BANK1: variants seen among roughly 807,000 people sequenced by gnomAD.
BANK1 encodes B-cell scaffold protein with ankyrin repeats.
In BANK1, 95 loss-of-function variants were observed where a neutral mutation model predicts 94.5. The observed-to-expected ratio is 1.00, with a 90% CI of 0.85 to 1.19. The LOEUF is 1.19. Among genes scored for constraint, BANK1 ranks in the 50% most tolerant of loss-of-function variants. The pLI, the probability that BANK1 is intolerant of heterozygous loss-of-function variation, is 0.00. For synonymous variants in BANK1, 334 were observed against 308.4 expected, an observed-to-expected ratio of 1.08 and a Z score of -0.87; for missense variants, 987 against 932.2, an observed-to-expected ratio of 1.06 and a Z score of -0.77.
At chr4:102,062,987 T>C in intron 12 of BANK1, 88 bp from the exon 13 acceptor site, 1 of 959,300 alleles carries the variant, frequency 1.0e-6, no homozygotes, top group Non-Finnish European at 1.6e-6. Flanking sequence ...AGTAGCAGCA[T>C]TGGTATTGCT....
intron 11 of BANK1, among the ~76,000 whole-genome samples, chr4:102,051,198 A>G (rs1355193287): frequency 1.3e-5 from 2 of 152,214 alleles, no homozygotes; most frequent in African/African-American, 2.4e-5. Flanking sequence ...AGGTATTTTC[A>G]TCAGGCTGTT....
At chr4:101,814,878 T>A (rs1251432939) in intron 1 of BANK1, among the ~76,000 whole-genome samples, 1 of 152,224 alleles carries the variant, frequency 6.6e-6, no homozygotes, top group Non-Finnish European at 1.5e-5. Context: ...TGAATGGAAT[T>A]CAGTGTACTT....
intron 7 of BANK1, among the ~76,000 whole-genome samples, chr4:101,953,991 T>C (rs1578418374): frequency 6.6e-6 from 1 of 152,112 alleles, no homozygotes; most frequent in Admixed American, 6.6e-5. Flanking sequence ...GAAATCAAGG[T>C]GTGTCTGCAG....
chr4:101,862,469 C>T (rs1727914961), intron 3 of BANK1, 57 bp from the exon 4 acceptor site: 1 of 1,436,278 alleles, frequency 7.0e-7, no homozygotes, highest in Non-Finnish European at 9.5e-7. Flanking sequence ...GTAATGGGTT[C>T]TTTGGTTAAT....
intron 7 of BANK1, among the ~76,000 whole-genome samples, chr4:101,955,874 A>G (rs1038325282): frequency 3.3e-5 from 5 of 152,232 alleles, no homozygotes; most frequent in Non-Finnish European, 5.9e-5. Context: ...TTTACTCTGT[A>G]AAACGAGCAC....
intron 7 of BANK1, among the ~76,000 whole-genome samples, chr4:102,007,146 TTATATA>T (rs376933355): frequency 0.028 from 1,048 of 38,070 alleles, 79 homozygotes; most frequent in East Asian, 0.14. Flanking sequence ...AAAATATATT[TTATATA>T]TATATATATA....
intron 7 of BANK1, among the ~76,000 whole-genome samples, chr4:101,932,232 A>C (rs1319573638): frequency 2.0e-5 from 3 of 151,368 alleles, no homozygotes; most frequent in Non-Finnish European, 3.0e-5. Flanking sequence ...CACCAATCCC[A>C]CTCTAACCTT....
chr4:102,034,548 CT>C (rs1727434907), intron 10 of BANK1, among the ~76,000 whole-genome samples: 1 of 152,108 alleles, frequency 6.6e-6, no homozygotes, highest in Admixed American at 6.5e-5. Context: ...AGTTTAGTGT[CT>C]GTTTCTTGGA....
At chr4:102,045,290 CA>C (rs1727841761) in intron 11 of BANK1, among the ~76,000 whole-genome samples, 1 of 152,070 alleles carries the variant, frequency 6.6e-6, no homozygotes, top group Non-Finnish European at 1.5e-5. Flanking sequence ...GGACATATCT[CA>C]AAATAATAAG....
intron 7 of BANK1, among the ~76,000 whole-genome samples, chr4:101,982,654 C>T (rs1578435287): frequency 6.6e-6 from 1 of 151,936 alleles, no homozygotes; most frequent in Admixed American, 6.6e-5. Flanking sequence ...GCTCCTATCA[C>T]ACCTTTGGAT....
At chr4:101,945,322 A>G (rs1723892458) in intron 7 of BANK1, among the ~76,000 whole-genome samples, 2 of 151,916 alleles carry the variant, frequency 1.3e-5, no homozygotes, top group Admixed American at 6.6e-5. Flanking sequence ...GGTTATTACT[A>G]TAAACTTTCA....
intron 8 of BANK1, among the ~76,000 whole-genome samples, chr4:102,024,637 C>T (rs907327669): frequency 1.3e-5 from 2 of 150,874 alleles, no homozygotes; most frequent in Non-Finnish European, 3.0e-5. Context: ...GCCTTTTTCA[C>T]CAAAAAAAAA....
At chr4:101,905,281 G>A (rs1405288431) in intron 6 of BANK1, among the ~76,000 whole-genome samples, 2 of 152,212 alleles carry the variant, frequency 1.3e-5, no homozygotes, top group Admixed American at 1.3e-4. Context: ...TTTTGCGGGG[G>A]TTCCCCAGGC....
intron 7 of BANK1, among the ~76,000 whole-genome samples, chr4:101,926,275 AT>A (rs1223301083): frequency 2.6e-5 from 4 of 151,574 alleles, no homozygotes; most frequent in African/African-American, 7.3e-5. Context: ...TCAACAATAT[AT>A]TTTTTTCATT....
intron 7 of BANK1, among the ~76,000 whole-genome samples, chr4:102,006,744 A>T (rs547332563): frequency 1.3e-5 from 2 of 151,804 alleles, no homozygotes; most frequent in African/African-American, 4.8e-5. Flanking sequence ...ACAATCTTTC[A>T]TAAGATACGA....
At chr4:102,006,878 G>A (rs906524700) in intron 7 of BANK1, among the ~76,000 whole-genome samples, 13 of 150,164 alleles carry the variant, frequency 8.7e-5, no homozygotes, top group African/African-American at 2.9e-4. Context: ...CATGCCACAT[G>A]TGTCTCATCA....
chr4:101,991,368 A>G (rs1725699959), intron 7 of BANK1, among the ~76,000 whole-genome samples: 1 of 152,268 alleles, frequency 6.6e-6, no homozygotes, highest in Non-Finnish European at 1.5e-5. Context: ...AAATACTACT[A>G]GCAGGCAAGC....
chr4:101,876,681 A>C (rs1204491561), intron 5 of BANK1, among the ~76,000 whole-genome samples: 1 of 152,194 alleles, frequency 6.6e-6, no homozygotes, highest in East Asian at 1.9e-4. Context: ...CTAGGAAAAT[A>C]TGACCTCACC....
intron 7 of BANK1, among the ~76,000 whole-genome samples, chr4:101,956,192 G>GT (rs1293336565): frequency 6.6e-6 from 1 of 152,062 alleles, no homozygotes; most frequent in Non-Finnish European, 1.5e-5. Context: ...CCTTGACTAT[G>GT]TTTTTTGTCA....
Sources: gnomAD v4.1 joint callset for allele counts (sites outside exome capture counted in the v4.1 genomes callset) on GRCh38, gnomAD v4.1.1 for gene constraint, MANE v1.5 for transcripts, NCBI Gene and HGNC (gene_info 2026-07-23, HGNC 2026-07-21) for gene names.